The following CNOT4 variants were observed in gnomAD, a reference collection of about 807,000 sequenced individuals.
CNOT4 encodes the protein CCR4-NOT transcription complex subunit 4.
A neutral mutation model predicts 73.8 loss-of-function variants in CNOT4; 8 were observed. The ratio of observed to expected loss-of-function variants is 0.11; its 90% CI spans 0.06 to 0.20. The LOEUF (loss-of-function observed/expected upper bound fraction) is 0.20, where lower values mean the gene tolerates loss of function less well. CNOT4 is among the 10% of genes least tolerant of loss of function. The probability of loss-of-function intolerance (pLI) is 1.00; values close to 1 mark genes in which losing one functional copy is unlikely to be tolerated. For synonymous variants in CNOT4, 293 were observed against 321.1 expected (o/e 0.91, Z 0.94); for missense variants, 564 against 883.4 (o/e 0.64, Z 4.58).
At chr7:135,406,308 T>G (rs983580468) in intron 7 of CNOT4, among the ~76,000 whole-genome samples, 3 of 45,746 alleles carry the variant, frequency 6.6e-5, no homozygotes, top group African/African-American at 1.8e-4. Flanking sequence ...CCCCCCACCC[T>G]CCCCCCCAAA....
chr7:135,448,902 C>A (rs1799997487), intron 1 of CNOT4, among the ~76,000 whole-genome samples: 1 of 150,434 alleles, frequency 6.6e-6, no homozygotes, highest in African/African-American at 2.5e-5. Flanking sequence ...TGATGCAATC[C>A]AAAGAATAGA....
chr7:135,467,783 G>A (rs1331831483), intron 1 of CNOT4, among the ~76,000 whole-genome samples: 2 of 152,122 alleles, frequency 1.3e-5, no homozygotes, highest in African/African-American at 2.4e-5. Context: ...CACAGTGTGC[G>A]AATGGTAAAA....
At chr7:135,388,775 T>C (rs1217135376) in intron 10 of CNOT4, 2 of 1,609,080 alleles carry the variant, frequency 1.2e-6, no homozygotes, top group Admixed American at 1.7e-5. Flanking sequence ...AGTCTAATCC[T>C]CTCCTCTCAG....
At chr7:135,451,101 A>G (rs1378613952) in intron 1 of CNOT4, among the ~76,000 whole-genome samples, 1 of 152,218 alleles carries the variant, frequency 6.6e-6, no homozygotes, top group Non-Finnish European at 1.5e-5. Flanking sequence ...GCACATCTGC[A>G]TGAGTAGAAG....
intron 1 of CNOT4, among the ~76,000 whole-genome samples, chr7:135,485,421 A>C (rs578123383): frequency 2.4e-4 from 36 of 152,308 alleles, no homozygotes; most frequent in Non-Finnish European, 4.6e-4. Context: ...TTATATGGAA[A>C]GGAAAAGTCC....
Position 135,478,506 on chromosome 7 carries a change from C to T in CNOT4, c.-93+31383G>A, listed in dbSNP as rs138944094. Among the ~76,000 whole-genome samples the T allele has an allele frequency of 2.2e-3, 329 of 152,106 alleles. 1 individual carries two copies. The highest frequency in any genetic ancestry group is 7.0e-3 in the African/African-American group (292 of 41,502). ...TCACTTGTGTTCAGGAGTTCAAGAC[C>T]GGCCTGGGCAACTGGGGAGACCCTG... On this transcript the variant is annotated intron_variant, in intron 1 of 11. Transcript: ENST00000541284.
intron 1 of CNOT4, among the ~76,000 whole-genome samples, chr7:135,480,875 G>A (rs539760314): frequency 1.7e-4 from 25 of 144,970 alleles, no homozygotes; most frequent in Non-Finnish European, 2.5e-4. Flanking sequence ...TGGGAAAACT[G>A]GATATCTATA....
rs201387690 is a variant in CNOT4 at position 135,499,484 on chromosome 7, T to TA, written c.-93+10404dup. Among the ~76,000 whole-genome samples the TA allele has an allele frequency of 1.7e-3, 248 of 148,414 alleles. 1 individual carries two copies. Among genetic ancestry groups the TA allele is most frequent in the Middle Eastern group, 3.5e-3 (1 of 286 alleles). On this transcript the variant is annotated intron_variant, in intron 1 of 11. Coordinates refer to ENST00000541284, the MANE Select transcript of CNOT4 (RefSeq NM_001190850.2). ...ATTTCTTCCCAAGCACTGTATGAAT[T>TA]AAAAAAAAAACATAAACTATTAATA...
intron 1 of CNOT4, among the ~76,000 whole-genome samples, chr7:135,462,212 T>C (rs1162686255): frequency 6.6e-6 from 1 of 152,046 alleles, no homozygotes; most frequent in Admixed American, 6.6e-5. Context: ...TTTTATAATA[T>C]TACCAACTTC....
intron 1 of CNOT4, among the ~76,000 whole-genome samples, chr7:135,462,342 CCA>C (rs1800927862): frequency 6.6e-6 from 1 of 152,132 alleles, no homozygotes; most frequent in South Asian, 2.1e-4. Context: ...AATTAACCTA[CCA>C]GTTCTGTCCC....
At chr7:135,425,018 AC>A (rs1378294084) in intron 2 of CNOT4, among the ~76,000 whole-genome samples, 1 of 152,206 alleles carries the variant, frequency 6.6e-6, no homozygotes, top group Non-Finnish European at 1.5e-5. Flanking sequence ...AGAGCAACTG[AC>A]ACTACCCCAA....
intron 1 of CNOT4, among the ~76,000 whole-genome samples, chr7:135,467,228 A>T (rs1008439296): frequency 3.7e-4 from 56 of 152,104 alleles, no homozygotes; most frequent in African/African-American, 1.3e-3. Context: ...TTTACTAAGC[A>T]CTCTGTCACC....
intron 1 of CNOT4, among the ~76,000 whole-genome samples, chr7:135,439,098 T>G (rs1799327067): frequency 6.6e-6 from 1 of 152,238 alleles, no homozygotes; most frequent in Non-Finnish European, 1.5e-5. Context: ...AAACACTTTT[T>G]GAAAAGTTAA....
At chr7:135,444,196 C>T (rs1378255329) in intron 1 of CNOT4, among the ~76,000 whole-genome samples, 1 of 151,818 alleles carries the variant, frequency 6.6e-6, no homozygotes, top group Non-Finnish European at 1.5e-5. Context: ...TAAGGTAGTA[C>T]AGACACTACA....
chr7:135,483,493 T>C (rs1490439127), intron 1 of CNOT4, among the ~76,000 whole-genome samples: 2 of 151,888 alleles, frequency 1.3e-5, no homozygotes, highest in African/African-American at 2.4e-5. Context: ...GATCATATCA[T>C]TGACAGAAGC....
intron 6 of CNOT4, among the ~76,000 whole-genome samples, chr7:135,411,037 T>G (rs1190504125): frequency 6.6e-6 from 1 of 151,990 alleles, no homozygotes; most frequent in African/African-American, 2.4e-5. Context: ...CTTGTAACAC[T>G]GAGTTTTCTG....
intron 1 of CNOT4, among the ~76,000 whole-genome samples, chr7:135,500,232 GCTACATA>G (rs1803870344): frequency 6.6e-6 from 1 of 152,134 alleles, no homozygotes; most frequent in Admixed American, 6.6e-5. Context: ...AGATCCACAT[GCTACATA>G]CAGTAGAGGA....
intron 10 of CNOT4, among the ~76,000 whole-genome samples, chr7:135,393,447 G>A (rs1230022830): frequency 6.6e-6 from 1 of 152,134 alleles, no homozygotes; most frequent in Non-Finnish European, 1.5e-5. Context: ...TGATGTGTGT[G>A]TATATGTGTA....
intron 1 of CNOT4, among the ~76,000 whole-genome samples, chr7:135,460,833 G>C (rs948337984): frequency 6.6e-6 from 1 of 152,192 alleles, no homozygotes; most frequent in Admixed American, 6.5e-5. Context: ...ACTTACGCCT[G>C]TAATTCTGAA....
Sources: allele counts gnomAD v4.1 joint callset (sites outside exome capture counted in the v4.1 genomes callset), GRCh38; gene constraint gnomAD v4.1.1; transcripts MANE v1.5; gene names NCBI Gene and HGNC (gene_info 2026-07-23, HGNC 2026-07-21).